SCAI: variants seen among roughly 807,000 people sequenced by gnomAD.
SCAI encodes the protein protein SCAI.
A neutral mutation model predicts 92.2 loss-of-function variants in SCAI; 24 were observed. The observed-to-expected ratio is 0.26, with a 90% CI of 0.19 to 0.37. The LOEUF (loss-of-function observed/expected upper bound fraction) is 0.37. Among genes scored for constraint, SCAI ranks in the 10% least tolerant of loss-of-function variants. The pLI, the probability that SCAI is intolerant of heterozygous loss-of-function variation, is 1.00. For synonymous variants in SCAI, 261 were observed against 258.6 expected (o/e 1.01, Z -0.09); for missense variants, 450 against 736.2 (o/e 0.61, Z 4.50).
chr9:124,997,107 C>CA (rs1185913431), intron 13 of SCAI, among the ~76,000 whole-genome samples: 1 of 152,148 alleles, frequency 6.6e-6, no homozygotes, highest in African/African-American at 2.4e-5. Context: ...TATAAGTGAT[C>CA]ATGCCATACA....
chr9:125,075,798 C>G (rs1022212409), intron 2 of SCAI, among the ~76,000 whole-genome samples: 4 of 152,140 alleles, frequency 2.6e-5, no homozygotes, highest in African/African-American at 9.7e-5. Flanking sequence ...CTCCTGACCT[C>G]AAGTTTTCCA....
At chr9:124,962,170 T>TTTGG (rs1554774807) in intron 17 of SCAI, among the ~76,000 whole-genome samples, 11 of 84,110 alleles carry the variant, frequency 1.3e-4, no homozygotes, top group Admixed American at 9.0e-4. Context: ...TTTTTTTTTT[T>TTTGG]GCGGGGGGGG....
At chr9:125,067,242 G>T (rs543380478) in intron 2 of SCAI, among the ~76,000 whole-genome samples, 1 of 152,308 alleles carries the variant, frequency 6.6e-6, no homozygotes, top group Admixed American at 6.5e-5. Context: ...ATATGTTGAA[G>T]TCCTAACTTC....
chr9:124,954,158 T>C (rs1324259839), intron 17 of SCAI, among the ~76,000 whole-genome samples: 1 of 152,224 alleles, frequency 6.6e-6, no homozygotes, highest in Non-Finnish European at 1.5e-5. Context: ...GAGGTTTAAA[T>C]ACTACTGTTT....
rs987830424 is a variant in SCAI at position 124,951,745 on chromosome 9, AAG to A, written c.*1060_*1061del. ...AATGACAGGGAAGGAAAACACAAAA[AAG>A]AAAAATCTTTATAATATACACTGAG... On this transcript the variant is annotated 3_prime_UTR_variant, in exon 18 of 18. Transcript: ENST00000336505. 7 of 152,180 alleles carry A rather than the reference AAG, an allele frequency of 4.6e-5. No individual in the cohort carries two copies. Among genetic ancestry groups the A allele is most frequent in the African/African-American group, 1.4e-4 (6 of 41,440 alleles). 9.4% of individuals were successfully genotyped at this position (152,180 alleles called of 1,614,324 possible).
intron 9 of SCAI, among the ~76,000 whole-genome samples, chr9:125,016,582 A>C (rs989659269): frequency 3.9e-5 from 6 of 152,160 alleles, no homozygotes; most frequent in Admixed American, 3.3e-4. Flanking sequence ...AAGTATCAGC[A>C]TAATAGACAA....
chr9:125,136,769 C>CTTT (rs796469701), intron 2 of SCAI, among the ~76,000 whole-genome samples: 2 of 118,976 alleles, frequency 1.7e-5, no homozygotes, highest in Admixed American at 8.7e-5. Flanking sequence ...ACTAATACCA[C>CTTT]TTTTTTTTTT....
intron 3 of SCAI, among the ~76,000 whole-genome samples, chr9:125,037,067 G>A (rs1833212277): frequency 6.6e-6 from 1 of 152,070 alleles, no homozygotes. Context: ...TCAGGAGTTC[G>A]AGACCATCCT....
Position 125,091,145 on chromosome 9 carries a change from C to G in SCAI, c.99-35138G>C, listed in dbSNP as rs1313688163. On this transcript the variant is annotated intron_variant, in intron 2 of 17. Transcript: ENST00000336505. The surrounding 1 kb of genome is among the most constrained non-coding windows in gnomAD (Gnocchi z 4.3). ...AAAAAGAAAGGACAGGTTCATAACT[C>G]ACTCCAACAGATGCAATACCAGGGT... is the stretch of plus-strand genomic sequence containing the variant. Among the ~76,000 whole-genome samples the G allele has an allele frequency of 6.6e-6, 1 of 152,142 alleles. No homozygotes were observed. The highest frequency in any genetic ancestry group is 1.5e-5 in the Non-Finnish European group (1 of 68,016).
At chr9:125,116,512 T>C (rs1178166706) in intron 2 of SCAI, among the ~76,000 whole-genome samples, 1 of 152,090 alleles carries the variant, frequency 6.6e-6, no homozygotes, top group Non-Finnish European at 1.5e-5. Context: ...GACTATAACA[T>C]GAAACAGTCA....
chr9:125,073,231 A>C (rs1834017749), intron 2 of SCAI, among the ~76,000 whole-genome samples: 1 of 146,082 alleles, frequency 6.8e-6, no homozygotes, highest in Admixed American at 7.0e-5. Context: ...CAGCCTCCCG[A>C]GTAGCTGGGA....
intron 3 of SCAI, among the ~76,000 whole-genome samples, chr9:125,037,411 CA>C (rs5900641): frequency 0.63 from 87,963 of 139,722 alleles, 26,406 homozygotes; most frequent in Admixed American, 0.67. Context: ...TCTATCCCTA[CA>C]AAAAAAAAAA....
chr9:125,046,306 C>CAT (rs1343772268), intron 3 of SCAI, among the ~76,000 whole-genome samples: 6 of 32,842 alleles, frequency 1.8e-4, no homozygotes, highest in Non-Finnish European at 2.4e-4. Context: ...TGGCCTATCT[C>CAT]ATATATATAT....
chr9:124,973,965 G>A lies in SCAI; in HGVS notation c.1400-2121C>T, dbSNP rs563140328. ...CCATCTAGTTCTCCATGTTCTTAAC[G>A]TCCACGTTAGACATTATCTCATCCC... On this transcript the variant is annotated intron_variant, in intron 15 of 17. Coordinates refer to ENST00000336505, the MANE Select transcript of SCAI (RefSeq NM_001144877.3). Among the ~76,000 whole-genome samples the A allele has an allele frequency of 7.2e-5, 11 of 152,164 alleles. No individual in the cohort carries two copies. The East Asian group carries it at 7.7e-4, about 11-fold the overall frequency.
At chr9:125,070,105 GA>G (rs1833952453) in intron 2 of SCAI, among the ~76,000 whole-genome samples, 1 of 152,154 alleles carries the variant, frequency 6.6e-6, no homozygotes, top group Non-Finnish European at 1.5e-5. Context: ...ACTATACCAT[GA>G]AATTGTTAGT....
intron 6 of SCAI, among the ~76,000 whole-genome samples, chr9:125,024,523 C>T (rs1832931535): frequency 6.6e-6 from 1 of 152,172 alleles, no homozygotes; most frequent in Non-Finnish European, 1.5e-5. Context: ...GATCCGCCTG[C>T]CTTGGCTTCC....
chr9:124,999,146 T>C (rs1588142085), intron 13 of SCAI, among the ~76,000 whole-genome samples: 3 of 151,464 alleles, frequency 2.0e-5, no homozygotes, highest in Admixed American at 2.0e-4. Flanking sequence ...CCCAACACTT[T>C]GGGAGGCCGG....
chr9:124,988,923 A>G (rs1832052948), intron 14 of SCAI, among the ~76,000 whole-genome samples: 1 of 152,062 alleles, frequency 6.6e-6, no homozygotes, highest in Non-Finnish European at 1.5e-5. Flanking sequence ...GTGGATCACG[A>G]GGTCAGGAGT....
chr9:124,964,479 T>G (rs1293779848), intron 17 of SCAI, among the ~76,000 whole-genome samples: 1 of 152,228 alleles, frequency 6.6e-6, no homozygotes, highest in African/African-American at 2.4e-5. Flanking sequence ...AGCCTTTTTC[T>G]GTAATAATGA....
Sources: gnomAD v4.1 joint callset for allele counts (sites outside exome capture counted in the v4.1 genomes callset) on GRCh38, gnomAD v4.1.1 for gene constraint, Gnocchi (gnomAD v3.1) non-coding constraint, MANE v1.5 for transcripts, NCBI Gene and HGNC (gene_info 2026-07-23, HGNC 2026-07-21) for gene names.